NUP188: variants seen among roughly 807,000 people sequenced by gnomAD.
NUP188 encodes nucleoporin NUP188.
Under a neutral mutation model 223.0 loss-of-function variants are expected in NUP188, and 97 were observed. The ratio of observed to expected loss-of-function variants is 0.43; its 90% CI spans 0.37 to 0.51. The LOEUF (loss-of-function observed/expected upper bound fraction) is 0.51, where lower values mean the gene tolerates loss of function less well. Among genes scored for constraint, NUP188 ranks in the 20% least tolerant of loss-of-function variants. NUP188 has a pLI of 0.00. For synonymous variants in NUP188, 869 were observed against 828.0 expected, an observed-to-expected ratio of 1.05 and a Z score of -0.85; for missense variants, 1,947 against 2,175.6, an observed-to-expected ratio of 0.89 and a Z score of 2.09.
Position 129,006,547 on chromosome 9 carries a change from C to G in NUP188, c.5119C>G (p.Pro1707Ala). 1 of 1,614,130 alleles carries G rather than the reference C, an allele frequency of 6.2e-7. No homozygotes were observed. Residue 1707 changes from proline (P) to alanine (A), a missense_variant, in exon 44 of 44, where the codon CCC becomes GCC. Pro to Ala is a conservative substitution (Grantham distance 27, BLOSUM62 -1). Coordinates refer to ENST00000372577, the MANE Select transcript of NUP188 (RefSeq NM_015354.3). Reference sequence around the variant, plus strand: ...CTCGCGCTACTTCCGCCGGGGAGCCCCCAGCTCCCCTGCCACTGGTGTCCT... The same window carrying G: ...CTCGCGCTACTTCCGCCGGGGAGCCGCCAGCTCCCCTGCCACTGGTGTCCT... The part of the protein sequence containing the change: ...SLSRYFRRGA[P>A]SSPATGVLPS...
intron 5 of NUP188, 72 bp from the exon 6 acceptor site, chr9:128,957,938 G>A: frequency 1.9e-6 from 2 of 1,057,478 alleles, no homozygotes; most frequent in East Asian, 2.5e-5. Context: ...TGAAGTGAAG[G>A]TATCTATCTT....
In NUP188 at chr9:128,999,613, C is replaced by G. The variant is rs201672824; in HGVS notation, c.3662-11C>G. On this transcript the variant is annotated splice_polypyrimidine_tract_variant and intron_variant, in intron 33 of 43. Coordinates refer to ENST00000372577, the MANE Select transcript of NUP188 (RefSeq NM_015354.3). ...TGAGCATGACAGTGTCCCTCCCTGT[C>G]TATTCTACAGTAAGTGACATCCCCC... is the stretch of plus-strand genomic sequence containing the variant. 12 of 1,612,340 alleles carry G rather than the reference C, an allele frequency of 7.4e-6. No homozygotes were observed. The highest frequency in any genetic ancestry group is 2.2e-5 in the East Asian group (1 of 44,890).
At chr9:128,986,900 C>T in intron 22 of NUP188, 25 bp downstream of exon 22, 1 of 1,606,384 alleles carries the variant, frequency 6.2e-7, no homozygotes, top group South Asian at 1.1e-5. Context: ...ATTACTAGAG[C>T]TTGGTGCTCG....
intron 13 of NUP188, among the ~76,000 whole-genome samples, chr9:128,979,555 T>C (rs957975832): frequency 4.9e-4 from 75 of 152,134 alleles, no homozygotes; most frequent in African/African-American, 1.7e-3. Flanking sequence ...CAGAACCCAG[T>C]TCTGTCTGAC....
chr9:128,958,285 A>G (rs1841899106), intron 6 of NUP188, among the ~76,000 whole-genome samples: 1 of 152,178 alleles, frequency 6.6e-6, no homozygotes. Flanking sequence ...AAGTTCATGG[A>G]TATTTTTTCT....
intron 24 of NUP188, among the ~76,000 whole-genome samples, chr9:128,989,208 C>G (rs187870232): frequency 2.6e-5 from 4 of 151,688 alleles, no homozygotes; most frequent in African/African-American, 9.7e-5. Context: ...CCAGCTTGGG[C>G]AAAATAAGGA....
At chr9:128,969,368 A>G (rs369812965) in intron 9 of NUP188, 32 bp from the exon 10 acceptor site, 5 of 1,337,798 alleles carry the variant, frequency 3.7e-6, no homozygotes, top group African/African-American at 2.9e-5. Context: ...AGAACGGGAT[A>G]TATAACATGG....
chr9:129,003,166 G>C lies in NUP188; in HGVS notation c.4297-151G>C. 3.5e-6 allele frequency: 4 copies of C among 1,136,340 alleles called. No individual in the cohort carries two copies. The South Asian group carries it at 4.5e-5, about 13-fold the overall frequency. The allele number at this position is 1,136,340 out of a possible 1,614,324, so 70.4% of individuals were successfully genotyped here. A position where few individuals can be genotyped will look rare whatever the true frequency, so the allele number is the denominator to read the frequency against. ...TCTGCTGAAGGACGGGAACGGTCTC[G>C]GGTCAGAATCCTGGTTGTACCACTA... is the stretch of plus-strand genomic sequence containing the variant. On this transcript the variant is annotated intron_variant, in intron 37 of 43. Transcript: ENST00000372577.
intron 8 of NUP188, among the ~76,000 whole-genome samples, chr9:128,964,512 C>T (rs948228424): frequency 2.7e-5 from 4 of 150,890 alleles, no homozygotes; most frequent in Admixed American, 6.7e-5. Context: ...CAAGCGGGTA[C>T]CACCATACCT....
At chr9:128,975,499 G>A (rs1017676663) in intron 12 of NUP188, among the ~76,000 whole-genome samples, 8 of 151,946 alleles carry the variant, frequency 5.3e-5, no homozygotes, top group South Asian at 2.1e-4. Flanking sequence ...TAGGATTACA[G>A]GCGTGAGCCA....
chr9:128,988,111 G>A lies in NUP188; in HGVS notation c.2458G>A (p.Val820Ile), dbSNP rs370614354. ...LIKTVKLAFS[V>I]TNNVIRLKPP... Reference sequence around the variant, plus strand: ...CAAGACAGTGAAACTGGCATTCTCCGTCACCAACAATGTTATTCGGCTGAA... The same window carrying A: ...CAAGACAGTGAAACTGGCATTCTCCATCACCAACAATGTTATTCGGCTGAA... The change falls in exon 24 of 44, where the codon GTC becomes ATC. Residue 820 changes from valine to isoleucine, a missense_variant. By Grantham distance (29) the Val-to-Ile change is conservative. Transcript: ENST00000372577. 125 of 1,614,066 alleles carry A rather than the reference G, an allele frequency of 7.7e-5. No homozygotes were observed. Among genetic ancestry groups the A allele is most frequent in the Middle Eastern group, 1.6e-4 (1 of 6,084 alleles).
Position 128,985,010 on chromosome 9 carries a change from T to C in NUP188, c.2072T>C (p.Val691Ala), listed in dbSNP as rs1234125049. 7 of 1,608,172 alleles carry C rather than the reference T, an allele frequency of 4.4e-6. No homozygotes were observed. Among genetic ancestry groups the C allele is most frequent in the Non-Finnish European group, 6.0e-6 (7 of 1,175,184 alleles). ...TTTCTGCGCTTGATCACCACCCTTG[T>C]CAAGGTACAGTCTGATTTTGTTCAC... ...IAFLRLITTL[V>A]KGQLGSTQSQ... Residue 691 changes from valine (V) to alanine (A), a missense_variant, in exon 20 of 44, where the codon GTC becomes GCC. Val to Ala is a moderately conservative substitution (Grantham distance 64). Around this residue, in one of 3 missense-constraint regions of NUP188, gnomAD observed 817 missense variants for 865.8 expected, o/e 0.94. Transcript: ENST00000372577.
rs914260245 is a variant in NUP188 at position 128,986,511 on chromosome 9, A to G, written c.2077-47A>G. 3.2e-6 allele frequency: 5 copies of G among 1,585,486 alleles called. No individual in the cohort carries two copies. The African/African-American group carries it at 4.1e-5, about 13-fold the overall frequency. On this transcript the variant is annotated intron_variant, in intron 20 of 43. Transcript: ENST00000372577. ...AATTAAATCTCTAGGTAACTAAATG[A>G]CTTTTCCTTAAATGTGCGGAAGTCC...
Position 128,980,592 on chromosome 9 carries a change from C to G in NUP188, c.1270-14C>G, listed in dbSNP as rs142239402. 1 of 1,601,114 alleles carries G rather than the reference C, an allele frequency of 6.2e-7. No individual in the cohort carries two copies. The highest frequency in any genetic ancestry group is 8.5e-7 in the Non-Finnish European group (1 of 1,174,022). On this transcript the variant is annotated splice_polypyrimidine_tract_variant and intron_variant, in intron 13 of 43. Transcript: ENST00000372577. ...ATAATGTGAAGATCAGTGATTTGTCCCCTTCCACCACAGGAGCCAACTTCT... is the reference window on the plus strand; with the variant it reads ...ATAATGTGAAGATCAGTGATTTGTCGCCTTCCACCACAGGAGCCAACTTCT...
In NUP188 at chr9:128,986,819, C is replaced by A; in HGVS notation, c.2208C>A (p.Ile736=). 2 of 1,614,110 alleles carry A rather than the reference C, an allele frequency of 1.2e-6. No individual in the cohort carries two copies. The highest frequency in any genetic ancestry group is 1.7e-6 in the Non-Finnish European group (2 of 1,180,020). The change falls in exon 22 of 44, where the codon ATC becomes ATA. Residue 736 remains isoleucine (I), a synonymous_variant. Transcript: ENST00000372577. ...HGVREQIGCL[I]LELIHAILNL... ...TTTTCTGGAGTCCAGGTTGCCTGAT[C>A]TTGGAGCTGATTCATGCGATACTGA...
intron 29 of NUP188, 89 bp downstream of exon 29, chr9:128,995,012 A>C: frequency 1.0e-6 from 1 of 969,896 alleles, no homozygotes; most frequent in African/African-American, 1.6e-5. Flanking sequence ...TGGAAGAGCC[A>C]AGGCAGAGGA....
At position 129,002,347 on chromosome 9, in the gene NUP188, G is replaced by A. The variant is rs145545539; in HGVS notation, c.4137+371G>A. ...CTCCACCCCTGCACCACCAGACCAG[G>A]ACTGGGAGAAGGGAAGTGGGTGGTC... On this transcript the variant is annotated intron_variant, in intron 36 of 43. Transcript: ENST00000372577. Among the ~76,000 whole-genome samples, 476 of 152,364 alleles carry A rather than the reference G, an allele frequency of 3.1e-3. 4 individuals carry two copies. Among genetic ancestry groups the A allele is most frequent in the African/African-American group, 0.01 (427 of 41,580 alleles).
intron 27 of NUP188, 139 bp downstream of exon 27, chr9:128,993,833 C>T (rs185059658): frequency 2.8e-6 from 2 of 705,876 alleles, no homozygotes; most frequent in Admixed American, 2.7e-5. Flanking sequence ...GGGAGTTTTA[C>T]ACTAATTCTC....
intron 8 of NUP188, among the ~76,000 whole-genome samples, chr9:128,963,070 T>C (rs534744336): frequency 6.6e-6 from 1 of 152,314 alleles, no homozygotes; most frequent in South Asian, 2.1e-4. Flanking sequence ...TTCATTCTTA[T>C]TTATGGTTGA....
Sources: allele counts gnomAD v4.1 joint callset (sites outside exome capture counted in the v4.1 genomes callset), GRCh38; gene constraint gnomAD v4.1.1; regional missense constraint gnomAD v4.1.1; transcripts MANE v1.5; gene names NCBI Gene and HGNC (gene_info 2026-07-23, HGNC 2026-07-21).